The following C1QTNF3 variants were observed in gnomAD, a reference collection of about 807,000 sequenced individuals.
C1QTNF3 encodes C1q and TNF related 3.
C1QTNF3 carries 26 observed loss-of-function variants against 32.6 expected under a neutral mutation model. The observed-to-expected ratio is 0.80, with a 90% CI of 0.58 to 1.11. The LOEUF is 1.11. Among genes scored for constraint, C1QTNF3 ranks in the 50% least tolerant of loss-of-function variants. The probability of loss-of-function intolerance (pLI) is 0.00; values close to 1 mark genes in which losing one functional copy is unlikely to be tolerated. For missense variants in C1QTNF3, 362 were observed against 398.2 expected, an observed-to-expected ratio of 0.91 and a Z score of 0.77; for synonymous variants, 155 against 146.0, an observed-to-expected ratio of 1.06 and a Z score of -0.44.
chr5:34,240,447 G>A, the C1QTNF3 span, among the ~76,000 whole-genome samples: 2 of 150,820 alleles, frequency 1.3e-5, no homozygotes, highest in South Asian at 2.1e-4. Flanking sequence ...CATTAAAAAT[G>A]GTCCCACAGA....
chr5:34,117,482 CTCT>C, the C1QTNF3 span, among the ~76,000 whole-genome samples: 1 of 151,966 alleles, frequency 6.6e-6, no homozygotes, highest in African/African-American at 2.4e-5. Context: ...ATTTCTATTT[CTCT>C]TCATTTCTCT....
At chr5:34,235,374 T>C in the C1QTNF3 span, among the ~76,000 whole-genome samples, 1 of 152,132 alleles carries the variant, frequency 6.6e-6, no homozygotes, top group Non-Finnish European at 1.5e-5. Context: ...TAGGTGGTGA[T>C]GCTACTGGTA....
At chr5:34,168,652 T>C in the C1QTNF3 span, 1 of 151,976 alleles carries the variant, frequency 6.6e-6, no homozygotes, top group African/African-American at 2.4e-5. Context: ...AGCTGTGAGA[T>C]GGGGATTTTG....
the C1QTNF3 span, among the ~76,000 whole-genome samples, chr5:34,176,460 A>C: frequency 1.2e-3 from 182 of 152,264 alleles, no homozygotes; most frequent in Non-Finnish European, 1.7e-3. Context: ...AGAATTAAAA[A>C]GGAGGTTTAA....
At chr5:34,177,830 G>A in the C1QTNF3 span, among the ~76,000 whole-genome samples, 2 of 151,744 alleles carry the variant, frequency 1.3e-5, no homozygotes, top group African/African-American at 4.8e-5. Flanking sequence ...TCCATGTTGT[G>A]CAGACTGGTC....
the C1QTNF3 span, chr5:34,124,233 G>C: frequency 2.5e-5 from 12 of 478,902 alleles, no homozygotes; most frequent in Non-Finnish European, 3.7e-5. Context: ...AAGATGGCTA[G>C]ATCCCTGGAA....
chr5:34,026,006 A>G (rs1262772672), intron 4 of C1QTNF3, among the ~76,000 whole-genome samples: 2 of 152,260 alleles, frequency 1.3e-5, no homozygotes, highest in Non-Finnish European at 2.9e-5. Flanking sequence ...AGGTGCACTT[A>G]AAAGCATTTG....
chr5:34,044,633 T>C (rs960407757), upstream of C1QTNF3, among the ~76,000 whole-genome samples: 1 of 152,014 alleles, frequency 6.6e-6, no homozygotes, highest in African/African-American at 2.4e-5. Flanking sequence ...GCTTCCAGAG[T>C]CCACACTTAT....
At chr5:34,028,637 CCTCCTTCTTTCTCTCCCTCCCTTT>C in intron 4 of C1QTNF3, 93 bp downstream of exon 4, 1 of 845,650 alleles carries the variant, frequency 1.2e-6, no homozygotes, top group Middle Eastern at 2.5e-4. Flanking sequence ...CTACTCCCTT[CCTCCTTCTTTCTCTCCCTCCCTTT>C]CTCCGTCCCT....
chr5:34,044,417 C>T (rs1035224520), upstream of C1QTNF3, among the ~76,000 whole-genome samples: 1 of 152,048 alleles, frequency 6.6e-6, no homozygotes, highest in Admixed American at 6.5e-5. Context: ...GAGAAGGGGG[C>T]GAGGAGGCAC....
the C1QTNF3 span, among the ~76,000 whole-genome samples, chr5:34,235,687 A>G: frequency 2.0e-5 from 3 of 151,048 alleles, no homozygotes; most frequent in African/African-American, 7.3e-5. Flanking sequence ...TTAATTTTAG[A>G]TGGTAGTTTC....
the C1QTNF3 span, among the ~76,000 whole-genome samples, chr5:34,148,761 CAG>C: frequency 9.1e-6 from 1 of 109,848 alleles, no homozygotes; most frequent in South Asian, 3.5e-4. Flanking sequence ...GGTGAAAAAA[CAG>C]AACAGAAAAA....
the C1QTNF3 span, among the ~76,000 whole-genome samples, chr5:34,133,935 A>G: frequency 6.6e-6 from 1 of 152,142 alleles, no homozygotes; most frequent in African/African-American, 2.4e-5. Flanking sequence ...TATAATACAT[A>G]TTTTTCTTTA....
chr5:34,083,725 C>T, the C1QTNF3 span, among the ~76,000 whole-genome samples: 2 of 151,650 alleles, frequency 1.3e-5, 1 homozygote, highest in African/African-American at 4.9e-5. Context: ...GTAGTAATTC[C>T]CATTCATTAG....
chr5:34,083,327 C>A, the C1QTNF3 span, among the ~76,000 whole-genome samples: 102,765 of 151,264 alleles, frequency 0.68, 35,783 homozygotes, highest in African/African-American at 0.79. Context: ...ACATGGAAGA[C>A]TAAATTAAAA....
chr5:34,167,541 AT>A, the C1QTNF3 span: 1 of 152,196 alleles, frequency 6.6e-6, no homozygotes, highest in African/African-American at 2.4e-5. Context: ...CTTAAAAACC[AT>A]TGTTCCCGTC....
At chr5:34,023,878 G>A (rs1290260520) in intron 5 of C1QTNF3, 31 bp downstream of exon 5, 1 of 1,559,278 alleles carries the variant, frequency 6.4e-7, no homozygotes, top group Non-Finnish European at 8.8e-7. Context: ...TGGCAGCATG[G>A]ATGAGACCCA....
At chr5:34,085,992 A>G in the C1QTNF3 span, among the ~76,000 whole-genome samples, 1 of 149,798 alleles carries the variant, frequency 6.7e-6, no homozygotes, top group Non-Finnish European at 1.5e-5. Flanking sequence ...ATGCACATGT[A>G]TGTTTATTGC....
chr5:34,044,505 G>C (rs1018277652), upstream of C1QTNF3, among the ~76,000 whole-genome samples: 1 of 152,168 alleles, frequency 6.6e-6, no homozygotes. Flanking sequence ...AGAGGAGAGA[G>C]AGCTGTTGAC....
Sources: allele counts gnomAD v4.1 joint callset (sites outside exome capture counted in the v4.1 genomes callset), GRCh38; gene constraint gnomAD v4.1.1; transcripts MANE v1.5; gene names NCBI Gene and HGNC (gene_info 2026-07-23, HGNC 2026-07-21).